ZNF829: variants seen among roughly 807,000 people sequenced by gnomAD.
ZNF829 encodes the protein zinc finger protein 829.
Under a neutral mutation model 35.2 loss-of-function variants are expected in ZNF829, and 25 were observed. That is an observed-to-expected ratio of 0.71 (90% CI 0.52 to 0.99). The LOEUF is 0.99. Ranked by LOEUF, ZNF829 falls within the 50% of genes least tolerant of loss-of-function variation. The pLI is 0.00. For missense variants in ZNF829, 417 were observed against 515.3 expected, an observed-to-expected ratio of 0.81 and a Z score of 1.85; for synonymous variants, 136 against 163.2, an observed-to-expected ratio of 0.83 and a Z score of 1.27.
intron 3 of ZNF829, chr19:36,913,101 T>A (rs1257983245): frequency 2.6e-5 from 4 of 152,212 alleles, no homozygotes; most frequent in Non-Finnish European, 5.9e-5. Context: ...GAAGTGTAAC[T>A]AGAGACTGAT....
At chr19:36,896,316 AAAAG>A (rs1467394773) in intron 5 of ZNF829, among the ~76,000 whole-genome samples, 10 of 151,384 alleles carry the variant, frequency 6.6e-5, no homozygotes, top group Admixed American at 1.3e-4. Context: ...CAAAAAAAAA[AAAAG>A]AAAGAAAAAA....
Position 36,891,951 on chromosome 19 carries a change from A to G in ZNF829, c.840T>C (p.Ser280=), listed in dbSNP as rs2073058063. Residue 280 remains serine, a synonymous_variant, in exon 6 of 6, where the codon AGT becomes AGC. Transcript: ENST00000391711. The part of the protein sequence containing the change: ...CKVCGKAFTK[S]SQLFLHLRIH... ...TTCTCAGATGTAGAAAAAGTTGTGA[A>G]CTTTTAGTAAAGGCTTTTCCACATA... The G allele has an allele frequency of 1.2e-6, 2 of 1,613,472 alleles. No individual in the cohort carries two copies. Among genetic ancestry groups the G allele is most frequent in the Non-Finnish European group, 1.7e-6 (2 of 1,179,868 alleles).
rs150118248 is a variant in ZNF829, at chr19:36,897,333, TACA to T, written c.320-4865_320-4863del. 7.9e-3 allele frequency among the ~76,000 whole-genome samples: 1,197 copies of T among 152,034 alleles called. 17 individuals are homozygous for T. Among genetic ancestry groups the T allele is most frequent in the African/African-American group, 0.027 (1,135 of 41,440 alleles). On this transcript the variant is annotated intron_variant, in intron 5 of 5. Transcript: ENST00000391711. ...AATACTAGCAAATGAAATCCAATAA[TACA>T]ACAACAAGATAATATACAACGATTA...
intron 3 of ZNF829, among the ~76,000 whole-genome samples, chr19:36,911,054 A>C (rs990488055): frequency 1.3e-5 from 2 of 152,092 alleles, no homozygotes; most frequent in Non-Finnish European, 2.9e-5. Flanking sequence ...CTATCATCAT[A>C]AGTATAGTGC....
intron 5 of ZNF829, among the ~76,000 whole-genome samples, chr19:36,899,364 G>A (rs1409599834): frequency 6.6e-6 from 1 of 152,056 alleles, no homozygotes; most frequent in African/African-American, 2.4e-5. Flanking sequence ...AGAATCACTT[G>A]AGCCTGGGAG....
chr19:36,895,902 C>T (rs1368321341), intron 5 of ZNF829, among the ~76,000 whole-genome samples: 2 of 152,118 alleles, frequency 1.3e-5, no homozygotes, highest in Non-Finnish European at 2.9e-5. Context: ...CATGGTGGCT[C>T]ATGCCTGTAA....
At chr19:36,897,297 C>G (rs546208690) in intron 5 of ZNF829, among the ~76,000 whole-genome samples, 5 of 152,214 alleles carry the variant, frequency 3.3e-5, no homozygotes, top group African/African-American at 9.6e-5. Flanking sequence ...AGACACAAAA[C>G]CCCTCAATGA....
intron 3 of ZNF829, among the ~76,000 whole-genome samples, chr19:36,914,145 T>C (rs1030762441): frequency 2.0e-5 from 3 of 152,056 alleles, no homozygotes; most frequent in Non-Finnish European, 4.4e-5. Context: ...TAAGCATAAA[T>C]ATAGGAGAGT....
intron 1 of ZNF829, 169 bp downstream of exon 1, chr19:36,915,842 G>A (rs1198518349): frequency 1.3e-6 from 2 of 1,535,634 alleles, no homozygotes; most frequent in Admixed American, 2.0e-5. Context: ...TGATCCTCCT[G>A]CCTCGGCCTC....
At chr19:36,915,955 C>G (rs1410335862) in intron 1 of ZNF829, 56 bp downstream of exon 1, 1 of 1,533,424 alleles carries the variant, frequency 6.5e-7, no homozygotes, top group African/African-American at 1.4e-5. Flanking sequence ...TTCCAGTCAT[C>G]CCGGATGGGA....
rs759324337 is a variant in ZNF829, at chr19:36,914,976, C to T, written c.85G>A (p.Ala29Thr). The T allele has an allele frequency of 1.9e-6, 3 of 1,614,112 alleles. No individual in the cohort carries two copies. Among genetic ancestry groups the T allele is most frequent in the South Asian group, 1.1e-5 (1 of 91,074 alleles). ...EERMHDELLQ[A>T]VSKGPVMFRD... is the part of the protein sequence containing the mutation. ...AAACCCCAACACACCTTGGATACTG[C>T]TTGTAGAAGTTCATCATGCATTCTT... Residue 29 changes from alanine (A) to threonine (T), a missense_variant, in exon 3 of 6, where the codon GCA becomes ACA. Transcript: ENST00000391711.
intron 3 of ZNF829, among the ~76,000 whole-genome samples, chr19:36,912,372 G>A (rs530803874): frequency 1.5e-3 from 234 of 152,310 alleles, no homozygotes; most frequent in African/African-American, 5.5e-3. Flanking sequence ...AGAGAGGGTT[G>A]AGAGTAGAAA....
Position 36,892,332 on chromosome 19 carries a change from C to A in ZNF829, c.459G>T (p.Glu153Asp). Residue 153 changes from glutamate to aspartate, a missense_variant, in exon 6 of 6, where the codon GAG (glutamate) becomes GAT (aspartate). Glu to Asp is a conservative substitution (Grantham distance 45, BLOSUM62 2). Transcript: ENST00000391711. ...LIPPQKTMSE[E>D]KPWECKICGK... ...CACATATCTTACATTCCCATGGTTT[C>A]TCTTCACTCATAGTTTTTTGAGGTG... 1 of 1,613,810 alleles carries A rather than the reference C, an allele frequency of 6.2e-7. No homozygotes were observed. The highest frequency in any genetic ancestry group is 8.5e-7 in the Non-Finnish European group (1 of 1,179,980).
intron 3 of ZNF829, among the ~76,000 whole-genome samples, chr19:36,912,114 A>G (rs1488161480): frequency 6.6e-6 from 1 of 152,174 alleles, no homozygotes; most frequent in Non-Finnish European, 1.5e-5. Context: ...GGCAGGAGAA[A>G]TAGAAGCTCA....
intron 5 of ZNF829, among the ~76,000 whole-genome samples, chr19:36,897,460 A>G (rs1046291585): frequency 6.6e-6 from 1 of 152,218 alleles, no homozygotes; most frequent in African/African-American, 2.4e-5. Flanking sequence ...AAACCATATG[A>G]TCAGCTCAAT....
chr19:36,901,254 G>C (rs887315876), intron 5 of ZNF829, among the ~76,000 whole-genome samples: 1 of 152,160 alleles, frequency 6.6e-6, no homozygotes, highest in Non-Finnish European at 1.5e-5. Flanking sequence ...TATGAAATAG[G>C]GAATTTGCAG....
intron 5 of ZNF829, chr19:36,892,924 G>A: frequency 2.1e-6 from 2 of 936,806 alleles, no homozygotes; most frequent in Non-Finnish European, 2.8e-6. Context: ...GGTTAAGCTG[G>A]AGGGCCATGG....
chr19:36,915,795 C>T, intron 1 of ZNF829: 1 of 1,451,416 alleles, frequency 6.9e-7, no homozygotes, highest in African/African-American at 1.4e-5. Context: ...TGGGGTTTCA[C>T]CATGTTGGCC....
intron 3 of ZNF829, among the ~76,000 whole-genome samples, chr19:36,909,996 C>T (rs1026969209): frequency 2.6e-5 from 4 of 151,778 alleles, no homozygotes; most frequent in African/African-American, 9.7e-5. Flanking sequence ...CTAAGAGAAA[C>T]AGCAAAAAGA....
Sources: allele counts gnomAD v4.1 joint callset (sites outside exome capture counted in the v4.1 genomes callset), GRCh38; gene constraint gnomAD v4.1.1; transcripts MANE v1.5; gene names NCBI Gene and HGNC (gene_info 2026-07-23, HGNC 2026-07-21).